Variants in CPXM2 observed in about 807,000 individuals in gnomAD.
CPXM2 encodes the protein carboxypeptidase X, M14 family member 2, also known as inactive carboxypeptidase-like protein X2.
Under a neutral mutation model 86.1 loss-of-function variants are expected in CPXM2, and 66 were observed. That is an observed-to-expected ratio of 0.77 (90% CI 0.63 to 0.94). The LOEUF is 0.94. Among genes scored for constraint, CPXM2 ranks in the 40% least tolerant of loss-of-function variants. The pLI, the probability that CPXM2 is intolerant of heterozygous loss-of-function variation, is 0.00. For missense variants in CPXM2, 948 were observed against 1,026.3 expected, an observed-to-expected ratio of 0.92 and a Z score of 1.04; for synonymous variants, 388 against 400.2, an observed-to-expected ratio of 0.97 and a Z score of 0.36.
At chr10:123,749,793 A>G (rs1375010555) in intron 13 of CPXM2, among the ~76,000 whole-genome samples, 2 of 152,080 alleles carry the variant, frequency 1.3e-5, no homozygotes, top group East Asian at 1.9e-4. Flanking sequence ...TTAAATGCCT[A>G]GAGTTCGTTT....
chr10:123,759,289 T>C (rs1197783776), intron 11 of CPXM2, among the ~76,000 whole-genome samples: 1 of 152,208 alleles, frequency 6.6e-6, no homozygotes, highest in Non-Finnish European at 1.5e-5. Flanking sequence ...CCGGGAGAGC[T>C]GAACACCTGT....
At chr10:123,916,659 C>A (rs139925175) in intron 2 of CPXM2, among the ~76,000 whole-genome samples, 2,253 of 152,326 alleles carry the variant, frequency 0.015, 60 homozygotes, top group African/African-American at 0.051. Context: ...CAGCTCAGAA[C>A]CTGGCAAACA....
rs1238365918 is a variant in CPXM2 at position 123,857,545 on chromosome 10, TGGAAGGCGGCGTGGA to T, written c.513+5054_513+5068del. Among the ~76,000 whole-genome samples, 36 of 136,126 alleles carry T rather than the reference TGGAAGGCGGCGTGGA, an allele frequency of 2.6e-4. 1 individual carries two copies. Among genetic ancestry groups the T allele is most frequent in the Admixed American group, 7.2e-4 (9 of 12,480 alleles). The allele number at this position is 136,126 out of a possible 152,430, so 89.3% of individuals were successfully genotyped here. ...GCAGGGAGGCAGGTGATGCCAGCGA[TGGAAGGCGGCGTGGA>T]GATGGAAGGCGGCGTGGAGATGGAA... On this transcript the variant is annotated intron_variant, in intron 3 of 13. Coordinates refer to ENST00000241305, the MANE Select transcript of CPXM2 (RefSeq NM_198148.3).
At position 123,880,795 on chromosome 10, in the gene CPXM2, C is replaced by G. The variant is rs571764413; in HGVS notation, c.305-486G>C. Among the ~76,000 whole-genome samples, 4 of 133,768 alleles carry G rather than the reference C, an allele frequency of 3.0e-5. No homozygotes were observed. In the South Asian group the frequency reaches 9.8e-4, roughly 33 times the overall value. The allele number at this position is 133,768 out of a possible 152,430, so 87.8% of individuals were successfully genotyped here. On this transcript the variant is annotated intron_variant, in intron 1 of 13. Transcript: ENST00000241305. ...AGTGAGACGAGATTGCGCCACTGCA[C>G]TCCAGCCTGGGTGACAGAGCGAGAT...
intron 13 of CPXM2, chr10:123,750,337 T>C (rs1009422732): frequency 8.0e-5 from 78 of 975,600 alleles, no homozygotes; most frequent in Non-Finnish European, 9.3e-5. Flanking sequence ...TTCCACATCA[T>C]TGCACTCCAC....
intron 2 of CPXM2, among the ~76,000 whole-genome samples, chr10:123,901,959 A>C (rs7918322): frequency 0.16 from 24,498 of 152,204 alleles, 2,089 homozygotes; most frequent in Middle Eastern, 0.31. Context: ...TGTTCACTGG[A>C]ATGAAGTCTC....
intron 3 of CPXM2, among the ~76,000 whole-genome samples, chr10:123,845,295 C>A (rs558001973): frequency 3.2e-4 from 49 of 151,252 alleles, no homozygotes; most frequent in Non-Finnish European, 5.9e-4. Flanking sequence ...AGCTATAGAA[C>A]ACCATGCAGT....
chr10:123,765,760 G>A (rs1454744396), intron 10 of CPXM2, among the ~76,000 whole-genome samples: 3 of 152,184 alleles, frequency 2.0e-5, no homozygotes, highest in African/African-American at 7.2e-5. Flanking sequence ...TGGAGGGCCT[G>A]GATGACCCCG....
chr10:123,935,566 T>A (rs574507129), intron 2 of CPXM2, among the ~76,000 whole-genome samples: 1 of 152,210 alleles, frequency 6.6e-6, no homozygotes, highest in Non-Finnish European at 1.5e-5. Context: ...CCTCACCTTA[T>A]GTTCTACCTG....
intron 3 of CPXM2, among the ~76,000 whole-genome samples, chr10:123,855,966 A>G (rs1422707973): frequency 2.0e-5 from 3 of 152,102 alleles, no homozygotes; most frequent in African/African-American, 7.2e-5. Flanking sequence ...ACTCTCAGTC[A>G]TTTCTAACAT....
chr10:123,893,209 T>G (rs569517524), upstream of CPXM2, among the ~76,000 whole-genome samples: 56 of 152,310 alleles, frequency 3.7e-4, no homozygotes, highest in African/African-American at 1.3e-3. Flanking sequence ...AGACTGACCC[T>G]CAAGCCTGCA....
At chr10:123,773,956 C>T (rs776013810) in intron 7 of CPXM2, among the ~76,000 whole-genome samples, 20 of 152,194 alleles carry the variant, frequency 1.3e-4, no homozygotes, top group Admixed American at 2.6e-4. Context: ...TGCCTTGCCT[C>T]GCGTCACTGA....
rs2134241881 is a variant in CPXM2 at position 123,885,838 on chromosome 10, C to CA, written c.304+5517dup. 6.6e-6 allele frequency among the ~76,000 whole-genome samples: 1 copy of CA among 152,350 alleles called. No individual in the cohort carries two copies. Among genetic ancestry groups the CA allele is most frequent in the African/African-American group, 2.4e-5 (1 of 41,578 alleles). On this transcript the variant is annotated intron_variant, in intron 1 of 13. Transcript: ENST00000241305. The surrounding 1 kb of genome is among the most constrained non-coding windows in gnomAD (Gnocchi z 4.0). The stretch of plus-strand genomic sequence containing the variant: ...CAGGGCCAGGCTGCCATTGTCCCCA[C>CA]ACTAAAGGTGCCATGAGCTCTAGCA...
intron 3 of CPXM2, among the ~76,000 whole-genome samples, chr10:123,861,805 C>T (rs1274584143): frequency 2.6e-5 from 4 of 152,210 alleles, no homozygotes; most frequent in Non-Finnish European, 5.9e-5. Flanking sequence ...CCCAAGGAGA[C>T]GTCTGTCCTC....
rs911419370 is a variant in CPXM2 at position 123,891,489 on chromosome 10, G to C, written c.171C>G (p.Phe57Leu). 10 of 1,548,206 alleles carry C rather than the reference G, an allele frequency of 6.5e-6. No individual in the cohort carries two copies. In the African/African-American group the frequency reaches 1.2e-4, roughly 19 times the overall value. Residue 57 changes from phenylalanine to leucine, a missense_variant, in exon 1 of 14, where the codon TTC (phenylalanine) becomes TTG (leucine). By Grantham distance (22) the Phe-to-Leu change is conservative (BLOSUM62 0). Transcript: ENST00000241305. The surrounding 1 kb of genome is among the most constrained non-coding windows in gnomAD (Gnocchi z 5.6). ...YARPEPELET[F>L]SPPLPAGPGE... ...CGGGCCCCGCAGGCAGCGGCGGAGA[G>C]AAGGTCTCGAGCTCGGGCTCCGGGC...
chr10:123,830,677 G>A (rs1317632533), intron 4 of CPXM2, among the ~76,000 whole-genome samples: 1 of 152,106 alleles, frequency 6.6e-6, no homozygotes, highest in Non-Finnish European at 1.5e-5. Flanking sequence ...AGGTTAGCGG[G>A]CTTGAATCTT....
chr10:123,897,891 T>C (rs566227354), intron 2 of CPXM2, among the ~76,000 whole-genome samples: 1 of 152,348 alleles, frequency 6.6e-6, no homozygotes, highest in South Asian at 2.1e-4. Flanking sequence ...AGCAAGGGTT[T>C]GGAAGGTCTG....
chr10:123,923,307 G>A (rs115903046), intron 2 of CPXM2, among the ~76,000 whole-genome samples: 3,051 of 152,168 alleles, frequency 0.02, 85 homozygotes, highest in East Asian at 0.093. Flanking sequence ...CTTGCCGGGC[G>A]CGGTGGCTCA....
intron 2 of CPXM2, among the ~76,000 whole-genome samples, chr10:123,908,443 A>C (rs113825009): frequency 6.6e-6 from 1 of 152,182 alleles, no homozygotes; most frequent in Non-Finnish European, 1.5e-5. Flanking sequence ...TCAATCAGAA[A>C]ATACTGGCTG....
Sources: allele counts gnomAD v4.1 joint callset (sites outside exome capture counted in the v4.1 genomes callset), GRCh38; gene constraint gnomAD v4.1.1; non-coding constraint Gnocchi (gnomAD v3.1); transcripts MANE v1.5; gene names NCBI Gene and HGNC (gene_info 2026-07-23, HGNC 2026-07-21).